Variants in FECH observed in about 807,000 individuals in gnomAD.
FECH encodes the protein ferrochelatase, also known as ferrochelatase, mitochondrial.
FECH carries 40 observed loss-of-function variants against 56.9 expected under a neutral mutation model. That is an observed-to-expected ratio of 0.70 (90% CI 0.55 to 0.92). The LOEUF is 0.92. FECH is among the 40% of genes least tolerant of loss of function. FECH has a pLI of 0.00. For synonymous variants in FECH, 175 were observed against 198.6 expected, an observed-to-expected ratio of 0.88 and a Z score of 1.00; for missense variants, 431 against 529.1, an observed-to-expected ratio of 0.81 and a Z score of 1.82.
At chr18:57,551,289 T>C in intron 10 of FECH, 26 bp downstream of exon 10, 13 of 1,552,852 alleles carry the variant, frequency 8.4e-6, no homozygotes, top group Non-Finnish European at 1.2e-5. Flanking sequence ...TATGTTCTAC[T>C]AAAACGATTG....
At chr18:57,576,116 T>C (rs2051182770) in intron 2 of FECH, among the ~76,000 whole-genome samples, 1 of 152,188 alleles carries the variant, frequency 6.6e-6, no homozygotes, top group Admixed American at 6.5e-5. Context: ...ACCTGGCCTC[T>C]ACCTGTACAC....
chr18:57,574,366 G>A (rs2051156327), intron 2 of FECH, among the ~76,000 whole-genome samples: 1 of 152,106 alleles, frequency 6.6e-6, no homozygotes, highest in Non-Finnish European at 1.5e-5. Context: ...CTCCTGTTAT[G>A]ATAAACTTCT....
intron 8 of FECH, 150 bp downstream of exon 8, chr18:57,554,695 C>T (rs1026142216): frequency 9.3e-6 from 7 of 752,604 alleles, no homozygotes; most frequent in Non-Finnish European, 1.6e-5. Context: ...TTCTATCTTA[C>T]TCGCTTGCAG....
Position 57,567,738 on chromosome 18 carries a change from C to A in FECH, c.464-1157G>T, listed in dbSNP as rs548399397. 3.3e-5 allele frequency: 5 copies of A among 152,320 alleles called. No individual in the cohort carries two copies. The South Asian group carries it at 1.0e-3, about 32-fold the overall frequency. The allele number at this position is 152,320 out of a possible 1,614,324, so 9.4% of individuals were successfully genotyped here. A position where few individuals can be genotyped will look rare whatever the true frequency, so the allele number is the denominator to read the frequency against. Reference sequence around the variant, plus strand: ...ATTTATACCTAGATATATACAAGGACGACATTCCTCCTAACTTGACCCAGA... The same window carrying A: ...ATTTATACCTAGATATATACAAGGAAGACATTCCTCCTAACTTGACCCAGA... On this transcript the variant is annotated intron_variant, in intron 4 of 10. Transcript: ENST00000262093.
Position 57,586,667 on chromosome 18 carries a change from C to A in FECH, c.-47G>T. ...AGTCCGGGCTCCTCCCGCGGCGGCG[C>A]GCCCAGGTGTCCGCCCAGCAGTGGC... On this transcript the variant is annotated 5_prime_UTR_variant, in exon 1 of 11. Coordinates refer to ENST00000262093, the MANE Select transcript of FECH (RefSeq NM_000140.5). The A allele has an allele frequency of 6.8e-7, 1 of 1,474,506 alleles. No homozygotes were observed. The highest frequency in any genetic ancestry group is 9.0e-7 in the Non-Finnish European group (1 of 1,114,480). 91.3% of individuals were successfully genotyped at this position (1,474,506 alleles called of 1,614,324 possible). A position where few individuals can be genotyped will look rare whatever the true frequency, so the allele number is the denominator to read the frequency against.
intron 6 of FECH, 79 bp from the exon 7 acceptor site, chr18:57,559,322 AAGCCTACACCAAAAATCTCAG>A (rs1251935859): frequency 9.5e-7 from 1 of 1,048,738 alleles, no homozygotes. Flanking sequence ...TTTTAAAATG[AAGCCTACACCAAAAATCTCAG>A]AGCAACCCTC....
intron 1 of FECH, 95 bp from the exon 2 acceptor site, chr18:57,580,294 A>G: frequency 6.8e-7 from 1 of 1,473,524 alleles, no homozygotes; most frequent in Non-Finnish European, 9.3e-7. Flanking sequence ...TTAAAATTTA[A>G]AGAGATCCCA....
intron 9 of FECH, among the ~76,000 whole-genome samples, chr18:57,551,961 G>A (rs1021763514): frequency 1.3e-5 from 2 of 149,744 alleles, no homozygotes; most frequent in African/African-American, 5.0e-5. Context: ...TCGGCTCACT[G>A]CAACCTCTGC....
chr18:57,580,266 A>G, intron 1 of FECH, 67 bp from the exon 2 acceptor site: 2 of 1,585,988 alleles, frequency 1.3e-6, no homozygotes, highest in Non-Finnish European at 1.7e-6. Context: ...AGAGGTCCTC[A>G]GAGCATAATT....
chr18:57,550,900 T>C, intron 10 of FECH, 54 bp from the exon 11 acceptor site: 1 of 1,610,306 alleles, frequency 6.2e-7, no homozygotes, highest in Non-Finnish European at 8.5e-7. Flanking sequence ...TCTGCTCGTC[T>C]GCCATGCCCC....
intron 10 of FECH, 128 bp downstream of exon 10, chr18:57,551,187 T>C (rs1243138848): frequency 2.5e-5 from 19 of 770,244 alleles, no homozygotes; most frequent in African/African-American, 7.1e-5. Context: ...AGGAATTCGA[T>C]TTTATTTTTG....
At chr18:57,583,461 A>T (rs535451349) in intron 1 of FECH, among the ~76,000 whole-genome samples, 1 of 152,374 alleles carries the variant, frequency 6.6e-6, no homozygotes, top group Non-Finnish European at 1.5e-5. Context: ...CTCATCTGCA[A>T]AATAGTGATA....
rs2050753270 is a variant in FECH at position 57,548,737 on chromosome 18, C to G, written c.*1975G>C. ...TCAATAAATTCCTCTTTGCCTGTCA[C>G]TATAAAAGCCAGTCTGGTCCCAACT... is the stretch of plus-strand genomic sequence containing the variant. On this transcript the variant is annotated 3_prime_UTR_variant, in exon 11 of 11. Transcript: ENST00000262093. 1 of 152,250 alleles carries G rather than the reference C, an allele frequency of 6.6e-6. No homozygotes were observed. Among genetic ancestry groups the G allele is most frequent in the African/African-American group, 2.4e-5 (1 of 41,466 alleles). The allele number at this position is 152,250 out of a possible 1,614,324, so 9.4% of individuals were successfully genotyped here. A position where few individuals can be genotyped will look rare whatever the true frequency, so the allele number is the denominator to read the frequency against.
chr18:57,579,983 C>G, intron 2 of FECH, 90 bp downstream of exon 2: 1 of 1,578,432 alleles, frequency 6.3e-7, no homozygotes, highest in Non-Finnish European at 8.7e-7. Flanking sequence ...CTGGCTTTTC[C>G]CAGCACCTTT....
At chr18:57,567,159 G>C (rs2122302015) in intron 4 of FECH, among the ~76,000 whole-genome samples, 1 of 151,942 alleles carries the variant, frequency 6.6e-6, no homozygotes, top group East Asian at 1.9e-4. Flanking sequence ...GAACCCCCAG[G>C]CCACCTCGTT....
chr18:57,547,633 T>C lies in FECH; in HGVS notation c.*3079A>G, dbSNP rs546871610. Among the ~76,000 whole-genome samples the C allele has an allele frequency of 5.3e-5, 8 of 152,202 alleles. No homozygotes were observed. The East Asian group carries it at 1.6e-3, about 30-fold the overall frequency. ...TAAATGACCCAGTCTCTGTATTTCT[T>C]TTCTTTTTTTTGGTTTTGGGACAGG... On this transcript the variant is annotated 3_prime_UTR_variant, in exon 11 of 11. Coordinates refer to ENST00000262093, the MANE Select transcript of FECH (RefSeq NM_000140.5).
At chr18:57,584,173 C>T (rs539305467) in intron 1 of FECH, among the ~76,000 whole-genome samples, 5 of 60,052 alleles carry the variant, frequency 8.3e-5, no homozygotes, top group East Asian at 5.6e-4. Context: ...AGCGAGACTC[C>T]GTCTCAAAAA....
chr18:57,579,299 G>GTATATA (rs1247712595), intron 2 of FECH, among the ~76,000 whole-genome samples: 1 of 137,760 alleles, frequency 7.3e-6, no homozygotes, highest in African/African-American at 2.9e-5. Context: ...ATGTGTGTGT[G>GTATATA]TGTGTGTGTG....
intron 1 of FECH, among the ~76,000 whole-genome samples, chr18:57,581,442 C>T (rs1239309288): frequency 1.3e-5 from 2 of 152,208 alleles, no homozygotes; most frequent in African/African-American, 4.8e-5. Flanking sequence ...ACGGTGGTTA[C>T]TGTGGTGCCT....
Sources: gnomAD v4.1 joint callset for allele counts (sites outside exome capture counted in the v4.1 genomes callset) on GRCh38, gnomAD v4.1.1 for gene constraint, MANE v1.5 for transcripts, NCBI Gene and HGNC (gene_info 2026-07-23, HGNC 2026-07-21) for gene names.